Variants in KLRD1 observed in about 807,000 individuals in gnomAD.
KLRD1 encodes killer cell lectin like receptor D1.
A neutral mutation model predicts 22.6 loss-of-function variants in KLRD1; 21 were observed. That is an observed-to-expected ratio of 0.93 (90% CI 0.66 to 1.34). KLRD1 has a LOEUF of 1.34. KLRD1 is among the 40% of genes most tolerant of loss of function. The pLI, the probability that KLRD1 is intolerant of heterozygous loss-of-function variation, is 0.00. For missense variants in KLRD1, 183 were observed against 208.6 expected, an observed-to-expected ratio of 0.88 and a Z score of 0.76; for synonymous variants, 59 against 71.1, an observed-to-expected ratio of 0.83 and a Z score of 0.85.
intron 1 of KLRD1, among the ~76,000 whole-genome samples, chr12:10,278,695 C>A (rs1949613570): frequency 6.6e-6 from 1 of 152,120 alleles, no homozygotes; most frequent in African/African-American, 2.4e-5. Context: ...TAAATTATAT[C>A]CTTCCGAAAA....
rs1476264214 is a variant in KLRD1 at position 10,299,181 on chromosome 12, CG to C, written c.-100-8796del. Among the ~76,000 whole-genome samples the C allele has an allele frequency of 1.3e-4, 20 of 149,606 alleles. No individual in the cohort carries two copies. In the South Asian group the frequency reaches 2.3e-3, roughly 17 times the overall value. On this transcript the variant is annotated intron_variant, in intron 1 of 5. Transcript: ENST00000544747. Reference sequence around the variant, plus strand: ...ATGTTACCATTAGGGTTCCATTCTGCGTTTTTTTTTTTTAATTATGTTTTGT... The same window carrying C: ...ATGTTACCATTAGGGTTCCATTCTGCTTTTTTTTTTTTAATTATGTTTTGT...
At position 10,317,791 on chromosome 12, in the gene KLRD1, C is replaced by T. The variant is rs1188454523; in HGVS notation, c.*2998C>T. The T allele has an allele frequency of 4.6e-5, 7 of 152,298 alleles. No individual in the cohort carries two copies. The East Asian group carries it at 1.2e-3, about 25-fold the overall frequency. 9.4% of individuals were successfully genotyped at this position (152,298 alleles called of 1,614,324 possible). A position where few individuals can be genotyped will look rare whatever the true frequency, so the allele number is the denominator to read the frequency against. On this transcript the variant is annotated 3_prime_UTR_variant, in exon 6 of 6. Coordinates refer to ENST00000336164, the MANE Select transcript of KLRD1 (RefSeq NM_002262.5). ...GACTGGGAAATTTATAAAATAAAGA[C>T]ATTTAATTGACTCACAGTTCTGCAG...
At chr12:10,248,992 T>C (rs919461034) in intron 1 of KLRD1, among the ~76,000 whole-genome samples, 1 of 152,174 alleles carries the variant, frequency 6.6e-6, no homozygotes, top group South Asian at 2.1e-4. Context: ...CAATGGAGAT[T>C]TTAACATGTT....
intron 1 of KLRD1, among the ~76,000 whole-genome samples, chr12:10,255,934 G>A (rs1291150252): frequency 6.6e-6 from 1 of 152,046 alleles, no homozygotes; most frequent in Non-Finnish European, 1.5e-5. Flanking sequence ...CATTCTCCAA[G>A]TATTATTGGA....
intron 1 of KLRD1, among the ~76,000 whole-genome samples, chr12:10,242,002 C>G (rs1163772475): frequency 6.8e-6 from 1 of 146,076 alleles, no homozygotes; most frequent in African/African-American, 2.5e-5. Context: ...TTCGATTCCT[C>G]TTGTTGAACT....
chr12:10,325,034 C>T lies in KLRD1; in HGVS notation c.*10241C>T, dbSNP rs961343570. The T allele has an allele frequency of 1.3e-5, 2 of 151,652 alleles. No homozygotes were observed. Among genetic ancestry groups the T allele is most frequent in the African/African-American group, 4.8e-5 (2 of 41,336 alleles). 9.4% of individuals were successfully genotyped at this position (151,652 alleles called of 1,614,324 possible). ...ACCTTGTCACAGTGGCCAGAATATT[C>T]AACACAAAGTTGAATACAAGTGGTG... is the stretch of plus-strand genomic sequence containing the variant. On this transcript the variant is annotated 3_prime_UTR_variant, in exon 6 of 6. Coordinates refer to ENST00000336164, the MANE Select transcript of KLRD1 (RefSeq NM_002262.5).
intron 1 of KLRD1, among the ~76,000 whole-genome samples, chr12:10,284,836 C>G (rs529820594): frequency 6.6e-6 from 1 of 152,174 alleles, no homozygotes; most frequent in African/African-American, 2.4e-5. Context: ...ACAAAATTAG[C>G]CGGGCATGGT....
chr12:10,239,434 T>TTCCTTTCCTTCCTTCCTTCCTTCC (rs59390706), intron 1 of KLRD1, among the ~76,000 whole-genome samples: 1 of 41,402 alleles, frequency 2.4e-5, no homozygotes, highest in African/African-American at 8.1e-5. Context: ...CCTTCCTTCC[T>TTCCTTTCCTTCCTTCCTTCCTTCC]TTCCTTCCTT....
upstream of KLRD1, among the ~76,000 whole-genome samples, chr12:10,303,485 C>T (rs1949884120): frequency 6.6e-6 from 1 of 152,076 alleles, no homozygotes; most frequent in African/African-American, 2.4e-5. Flanking sequence ...GAGAGTCCTT[C>T]AGGGGAGAAA....
At chr12:10,300,150 A>G (rs1469306429), upstream of KLRD1, among the ~76,000 whole-genome samples, 1 of 152,198 alleles carries the variant, frequency 6.6e-6, no homozygotes, top group African/African-American at 2.4e-5. Context: ...GAATCATGAA[A>G]GTTGTTCATG....
rs1034991133 is a variant in KLRD1, at chr12:10,277,245, A to G, written c.-100-30733A>G. Among the ~76,000 whole-genome samples the G allele has an allele frequency of 3.3e-5, 5 of 151,514 alleles. No individual in the cohort carries two copies. The Admixed American group carries it at 3.3e-4, about 10-fold the overall frequency. The stretch of plus-strand genomic sequence containing the variant: ...GACTCACCCATTTAACTGTATCCCC[A>G]CTACTGATTCTAATTGCATGAAATA... On this transcript the variant is annotated intron_variant, in intron 1 of 5. Coordinates refer to the KLRD1 transcript ENST00000544747.
chr12:10,278,637 A>C (rs145829538), intron 1 of KLRD1, among the ~76,000 whole-genome samples: 34 of 152,322 alleles, frequency 2.2e-4, no homozygotes, highest in African/African-American at 7.7e-4. Flanking sequence ...AATGGTAACC[A>C]TTGATTTAAA....
chr12:10,268,559 T>C (rs1949521036), intron 1 of KLRD1, among the ~76,000 whole-genome samples: 1 of 152,222 alleles, frequency 6.6e-6, no homozygotes, highest in South Asian at 2.1e-4. Flanking sequence ...GATTGTTTCT[T>C]TCCAGTAGTT....
intron 1 of KLRD1, among the ~76,000 whole-genome samples, chr12:10,279,314 A>G (rs528273902): frequency 1.3e-5 from 2 of 152,280 alleles, no homozygotes; most frequent in East Asian, 3.9e-4. Context: ...GTTGCTGCAA[A>G]AGACATGATC....
rs1320788158 is a variant in KLRD1 at position 10,326,850 on chromosome 12, T to C, written c.*12057T>C. 6.6e-6 allele frequency: 1 copy of C among 152,190 alleles called. No homozygotes were observed. Among genetic ancestry groups the C allele is most frequent in the Non-Finnish European group, 1.5e-5 (1 of 68,034 alleles). 9.4% of individuals were successfully genotyped at this position (152,190 alleles called of 1,614,324 possible). On this transcript the variant is annotated 3_prime_UTR_variant, in exon 6 of 6. Coordinates refer to ENST00000336164, the MANE Select transcript of KLRD1 (RefSeq NM_002262.5). The stretch of plus-strand genomic sequence containing the variant: ...AGCTTGAATTTTCCCTTTTGTTGAG[T>C]GATTTTGGGGGCCCAAGATATTTTC...
Position 10,259,422 on chromosome 12 carries a change from A to C in KLRD1, c.-101+33189A>C, listed in dbSNP as rs182498456. On this transcript the variant is annotated intron_variant, in intron 1 of 5. Transcript: ENST00000544747. ...TGTCCAATATATGTAGTTACTTTAC[A>C]TTTTCCTAGCCATTATAAGAAATTT... Among the ~76,000 whole-genome samples, 215 of 152,248 alleles carry C rather than the reference A, an allele frequency of 1.4e-3. 1 individual carries two copies. The highest frequency in any genetic ancestry group is 5.0e-3 in the African/African-American group (207 of 41,538).
At chr12:10,287,672 G>A (rs1949720534) in intron 1 of KLRD1, among the ~76,000 whole-genome samples, 1 of 152,158 alleles carries the variant, frequency 6.6e-6, no homozygotes, top group Admixed American at 6.5e-5. Flanking sequence ...AATAAAATAT[G>A]TAACTAAAAA....
At chr12:10,239,579 CTTTCTTTT>C (rs1565443521) in intron 1 of KLRD1, among the ~76,000 whole-genome samples, 2 of 116,568 alleles carry the variant, frequency 1.7e-5, no homozygotes, top group East Asian at 2.5e-4. Flanking sequence ...TTCTTTCTTT[CTTTCTTTT>C]TCTTTCTTTC....
chr12:10,312,732 G>A (rs1429840822), intron 4 of KLRD1, among the ~76,000 whole-genome samples: 1 of 149,316 alleles, frequency 6.7e-6, no homozygotes, highest in Non-Finnish European at 1.5e-5. Flanking sequence ...GCTGAAACCT[G>A]TAATCCCAGC....
Sources: gnomAD v4.1 joint callset for allele counts (sites outside exome capture counted in the v4.1 genomes callset) on GRCh38, gnomAD v4.1.1 for gene constraint, MANE v1.5 for transcripts, NCBI Gene and HGNC (gene_info 2026-07-23, HGNC 2026-07-21) for gene names.